Variants in OAS2 observed in about 807,000 individuals in gnomAD.
The protein encoded by OAS2 is 2'-5'-oligoadenylate synthetase 2, also known as 2'-5'-oligoadenylate synthase 2.
In OAS2, 67 loss-of-function variants were observed where a neutral mutation model predicts 71.3. That is an observed-to-expected ratio of 0.94 (90% CI 0.77 to 1.15). The LOEUF is 1.15. OAS2 is among the 50% of genes most tolerant of loss of function. OAS2 has a pLI of 0.00. For missense variants in OAS2, 789 were observed against 822.5 expected (o/e 0.96, Z 0.50); for synonymous variants, 327 against 321.8 (o/e 1.02, Z -0.17).
chr12:112,996,200 A>T (rs1322819351), intron 3 of OAS2, among the ~76,000 whole-genome samples: 1 of 152,116 alleles, frequency 6.6e-6, no homozygotes, highest in Admixed American at 6.5e-5. Context: ...AAATTGGGGC[A>T]ATTTTCAAAT....
chr12:113,000,579 G>A (rs916820130), intron 5 of OAS2, among the ~76,000 whole-genome samples: 32 of 129,088 alleles, frequency 2.5e-4, no homozygotes, highest in East Asian at 4.5e-4. Flanking sequence ...ACGCACACAC[G>A]CACACACATA....
Position 112,998,442 on chromosome 12 carries a change from A to G in OAS2, c.1008+32A>G, listed in dbSNP as rs748027653. On this transcript the variant is annotated intron_variant, in intron 5 of 9. Coordinates refer to ENST00000392583, the MANE Select transcript of OAS2 (RefSeq NM_002535.3). ...GGGTTTTCCAAATACAGGGTGTTTC[A>G]TGCTGCAGGAAGGTCTTCCTGACAC... The G allele has an allele frequency of 3.8e-6, 6 of 1,597,358 alleles. No homozygotes were observed. In the African/African-American group the frequency reaches 6.8e-5, roughly 18 times the overall value.
At chr12:112,992,182 G>A (rs1180465692) in intron 2 of OAS2, among the ~76,000 whole-genome samples, 1 of 151,960 alleles carries the variant, frequency 6.6e-6, no homozygotes, top group African/African-American at 2.4e-5. Context: ...ATTACTTGAG[G>A]CCAGGAGTTT....
At chr12:112,984,242 C>CATATATATGTCTATATACATATAT (rs2044110960) in intron 1 of OAS2, among the ~76,000 whole-genome samples, 1 of 152,136 alleles carries the variant, frequency 6.6e-6, no homozygotes, top group Non-Finnish European at 1.5e-5. Context: ...TATACATATA[C>CATATATATGTCTATATACATATAT]ATATATATGT....
In OAS2 at chr12:113,009,516, A is replaced by C; in HGVS notation, c.*261A>C. ...GCCCTCCTCTCCCAGTGACAACCAA[A>C]AGTCTTCAGACATTGTCAAACGTTC... On this transcript the variant is annotated 3_prime_UTR_variant, in exon 10 of 10. Coordinates refer to ENST00000392583, the MANE Select transcript of OAS2 (RefSeq NM_002535.3). The C allele has an allele frequency of 8.7e-7, 1 of 1,155,336 alleles. No individual in the cohort carries two copies. Among genetic ancestry groups the C allele is most frequent in the Non-Finnish European group, 1.1e-6 (1 of 939,064 alleles). 71.6% of individuals were successfully genotyped at this position (1,155,336 alleles called of 1,614,324 possible). A position where few individuals can be genotyped will look rare whatever the true frequency, so the allele number is the denominator to read the frequency against.
Position 112,978,519 on chromosome 12 carries a change from A to G in OAS2, c.-90A>G, listed in dbSNP as rs1360566109. 5 of 1,400,476 alleles carry G rather than the reference A, an allele frequency of 3.6e-6. No homozygotes were observed. Among genetic ancestry groups the G allele is most frequent in the Non-Finnish European group, 5.0e-6 (5 of 996,854 alleles). The allele number at this position is 1,400,476 out of a possible 1,614,324, so 86.8% of individuals were successfully genotyped here. A position where few individuals can be genotyped will look rare whatever the true frequency, so the allele number is the denominator to read the frequency against. The stretch of plus-strand genomic sequence containing the variant: ...GGGTGGAGAGAGGCCTCTAGACTTC[A>G]GTTTCAGTTTCCTGGCTCTGGGCAG... On this transcript the variant is annotated 5_prime_UTR_variant, in exon 1 of 10. Transcript: ENST00000392583. The surrounding 1 kb of genome is among the most constrained non-coding windows in gnomAD (Gnocchi z 4.2).
At position 113,007,848 on chromosome 12, in the gene OAS2, A is replaced by C. The variant is rs928101919; in HGVS notation, c.1800A>C (p.Thr600=). The C allele has an allele frequency of 6.2e-7, 1 of 1,614,202 alleles. No homozygotes were observed. The highest frequency in any genetic ancestry group is 8.5e-7 in the Non-Finnish European group (1 of 1,180,030). Residue 600 remains threonine (T), a synonymous_variant, in exon 9 of 10, where the codon ACA becomes ACC. Coordinates refer to ENST00000392583, the MANE Select transcript of OAS2 (RefSeq NM_002535.3). ...TCCGGACAGTCCTGGAGCTGGTCAC[A>C]CAATATCAGCAGCTCTGCATCTTCT... ...EGFRTVLELV[T]QYQQLCIFWK...
chr12:112,992,393 G>C (rs116446134), intron 2 of OAS2, among the ~76,000 whole-genome samples: 1 of 96,702 alleles, frequency 1.0e-5, no homozygotes, highest in Non-Finnish European at 2.1e-5. Context: ...CTTGTCAAAA[G>C]AAAAAAAAAA....
chr12:112,993,791 C>G (rs546782883), intron 2 of OAS2, among the ~76,000 whole-genome samples: 1 of 151,890 alleles, frequency 6.6e-6, no homozygotes, highest in South Asian at 2.1e-4. Flanking sequence ...ATCACTTGAG[C>G]CTTGAAATAT....
At chr12:113,004,452 C>G (rs1293749) in intron 6 of OAS2, among the ~76,000 whole-genome samples, 121,250 of 152,240 alleles carry the variant, frequency 0.8, 49,312 homozygotes, top group East Asian at 1. Context: ...GCCTAAAATA[C>G]CTACTATCTG....
chr12:112,986,749 G>A (rs949759663), intron 1 of OAS2, among the ~76,000 whole-genome samples: 2 of 152,060 alleles, frequency 1.3e-5, no homozygotes, highest in African/African-American at 4.8e-5. Flanking sequence ...CAGGTGAGGC[G>A]ATCCTATCCT....
At position 113,009,456 on chromosome 12, in the gene OAS2, C is replaced by T. The variant is rs945934718; in HGVS notation, c.*201C>T. Reference sequence around the variant, plus strand: ...GATTCATGCACTGTAGGGTGCTGCGCAGCATCCCTAGTCTCTACCCAGTAG... The same window carrying T: ...GATTCATGCACTGTAGGGTGCTGCGTAGCATCCCTAGTCTCTACCCAGTAG... On this transcript the variant is annotated 3_prime_UTR_variant, in exon 10 of 10. Transcript: ENST00000392583. 1.1e-5 allele frequency: 15 copies of T among 1,382,504 alleles called. No individual in the cohort carries two copies. In the Admixed American group the frequency reaches 4.0e-4, roughly 37 times the overall value. The allele number at this position is 1,382,504 out of a possible 1,614,324, so 85.6% of individuals were successfully genotyped here.
intron 1 of OAS2, among the ~76,000 whole-genome samples, chr12:112,986,316 C>T (rs968755474): frequency 5.3e-5 from 8 of 152,106 alleles, no homozygotes; most frequent in Non-Finnish European, 1.0e-4. Context: ...TATCAGACTT[C>T]AAGATGACAT....
chr12:113,003,473 G>A (rs1200825094), intron 6 of OAS2, among the ~76,000 whole-genome samples: 2 of 152,182 alleles, frequency 1.3e-5, no homozygotes, highest in African/African-American at 4.8e-5. Context: ...GCCTGATCCA[G>A]AATGATCTCA....
At chr12:113,007,433 C>T (rs1432443211) in intron 8 of OAS2, among the ~76,000 whole-genome samples, 4 of 152,180 alleles carry the variant, frequency 2.6e-5, no homozygotes, top group African/African-American at 9.7e-5. Flanking sequence ...GGGTAAATGC[C>T]TGGGCCCATA....
Position 112,987,254 on chromosome 12 carries a change from T to C in OAS2, c.394T>C (p.Phe132Leu). The C allele has an allele frequency of 6.2e-7, 1 of 1,614,188 alleles. No homozygotes were observed. The highest frequency in any genetic ancestry group is 1.1e-5 in the South Asian group (1 of 91,076). ...KSLDGFTIQV[F>L]TKNQRISFEV... ...CCTTGATGGGTTCACCATCCAGGTG[T>C]TCACAAAAAATCAGAGAATCTCTTT... The change falls in exon 2 of 10, where the codon TTC becomes CTC. Residue 132 changes from phenylalanine (F) to leucine (L), a missense_variant. Physicochemically the swap from Phe to Leu is conservative, Grantham distance 22. Transcript: ENST00000392583.
rs2044148154 is a variant in OAS2 at position 112,987,294 on chromosome 12, C to A, written c.434C>A (p.Ala145Asp). 1.2e-6 allele frequency: 2 copies of A among 1,614,182 alleles called. No individual in the cohort carries two copies. The highest frequency in any genetic ancestry group is 1.7e-5 in the Admixed American group (1 of 60,020). The change falls in exon 2 of 10, where the codon GCC becomes GAC. Residue 145 changes from alanine to aspartate, a missense_variant. Physicochemically the swap from Ala to Asp is moderately radical, Grantham distance 126 (BLOSUM62 -2). Transcript: ENST00000392583. ...NQRISFEVLA[A>D]FNALSLNDNP... ...AGAATCTCTTTCGAGGTGCTGGCCG[C>A]CTTCAACGCTCTGAGTAAGCATTGC...
chr12:113,009,044 C>G, intron 9 of OAS2, 43 bp from the exon 10 acceptor site: 1 of 1,583,746 alleles, frequency 6.3e-7, no homozygotes, highest in Non-Finnish European at 8.6e-7. Flanking sequence ...TCTGAAGTCA[C>G]TGGGATTTGG....
At chr12:113,003,716 G>A (rs1194463380) in intron 6 of OAS2, among the ~76,000 whole-genome samples, 3 of 152,214 alleles carry the variant, frequency 2.0e-5, no homozygotes, top group Non-Finnish European at 4.4e-5. Context: ...AGGCCACGGG[G>A]CTGACATGTT....
Sources: allele counts gnomAD v4.1 joint callset (sites outside exome capture counted in the v4.1 genomes callset), GRCh38; gene constraint gnomAD v4.1.1; non-coding constraint Gnocchi (gnomAD v3.1); transcripts MANE v1.5; gene names NCBI Gene and HGNC (gene_info 2026-07-23, HGNC 2026-07-21).